Variants in RNF175 observed in about 807,000 individuals in gnomAD.
The protein encoded by RNF175 is ring finger protein 175.
A neutral mutation model predicts 50.0 loss-of-function variants in RNF175; 38 were observed. The ratio of observed to expected loss-of-function variants is 0.76; its 90% CI spans 0.59 to 1.00. RNF175 has a LOEUF of 1.00. RNF175 is among the 50% of genes least tolerant of loss of function. The probability of loss-of-function intolerance (pLI) is 0.00; values close to 1 mark genes in which losing one functional copy is unlikely to be tolerated. For missense variants in RNF175, 388 were observed against 409.6 expected (o/e 0.95, Z 0.46); for synonymous variants, 155 against 146.1 (o/e 1.06, Z -0.44).
intron 3 of RNF175, 175 bp downstream of exon 3, chr4:153,748,470 T>C (rs1740098847): frequency 1.9e-6 from 1 of 531,456 alleles, no homozygotes; most frequent in East Asian, 3.3e-5. Context: ...GTCAAAAATG[T>C]TTCCAGACAT....
chr4:153,752,419 C>T (rs970745411), intron 1 of RNF175, among the ~76,000 whole-genome samples: 1 of 152,162 alleles, frequency 6.6e-6, no homozygotes, highest in African/African-American at 2.4e-5. Context: ...GGGCAGGGAG[C>T]CATGGAGAAG....
At chr4:153,728,880 G>A (rs1306316505) in intron 3 of RNF175, among the ~76,000 whole-genome samples, 2 of 152,186 alleles carry the variant, frequency 1.3e-5, no homozygotes, top group East Asian at 3.9e-4. Flanking sequence ...TTTCAGAGAA[G>A]CCCCTGGGAT....
At chr4:153,712,853 CTTT>C (rs111263057) in intron 7 of RNF175, among the ~76,000 whole-genome samples, 1 of 142,056 alleles carries the variant, frequency 7.0e-6, no homozygotes, top group South Asian at 2.3e-4. Context: ...AATATGAGTC[CTTT>C]TTTTTTTTTT....
intron 1 of RNF175, among the ~76,000 whole-genome samples, chr4:153,754,000 C>G (rs1740431932): frequency 6.6e-6 from 1 of 151,236 alleles, no homozygotes; most frequent in African/African-American, 2.4e-5. Context: ...GAAATCCCGT[C>G]TCTACTAAAA....
chr4:153,710,896 C>A (rs758147336), intron 8 of RNF175, among the ~76,000 whole-genome samples: 1 of 152,178 alleles, frequency 6.6e-6, no homozygotes, highest in Non-Finnish European at 1.5e-5. Flanking sequence ...CAAAGAATAA[C>A]ACTGGTTCAT....
intron 1 of RNF175, among the ~76,000 whole-genome samples, chr4:153,754,042 C>T (rs1352015064): frequency 1.3e-5 from 2 of 151,608 alleles, no homozygotes; most frequent in Middle Eastern, 3.4e-3. Context: ...TGGTTGTAGG[C>T]GCCTGTAGTC....
rs1222457812 is a variant in RNF175 at position 153,720,169 on chromosome 4, G to A, written c.630+15C>T. ...TGTGTCATACATGGTTTCAGAAAAT[G>A]AAAGCAACACTTACCCCTATAGTGG... is the stretch of plus-strand genomic sequence containing the variant. On this transcript the variant is annotated intron_variant, in intron 6 of 8. Coordinates refer to ENST00000347063, the MANE Select transcript of RNF175 (RefSeq NM_173662.4). 2 of 1,612,068 alleles carry A rather than the reference G, an allele frequency of 1.2e-6. No individual in the cohort carries two copies. The highest frequency in any genetic ancestry group is 1.7e-6 in the Non-Finnish European group (2 of 1,179,020).
In RNF175 at chr4:153,710,442, C is replaced by T. The variant is rs752702677; in HGVS notation, c.914G>A (p.Arg305His). The T allele has an allele frequency of 1.3e-5, 21 of 1,600,292 alleles. No individual in the cohort carries two copies. The highest frequency in any genetic ancestry group is 5.3e-5 in the African/African-American group (4 of 74,838). The change falls in exon 9 of 9, where the codon CGT (arginine) becomes CAT (histidine). Residue 305 changes from arginine (R) to histidine (H), a missense_variant. Transcript: ENST00000347063. ...CACAGGTTGCCAGGCCACCAAATAA[C>T]GAAGCCAATCCAGGATTTGTCCATA... The part of the protein sequence containing the change: ...FLYGQILDWL[R>H]YLVAWQPVVI...
intron 3 of RNF175, chr4:153,729,830 G>A (rs1348372545): frequency 8.1e-6 from 8 of 984,234 alleles, no homozygotes; most frequent in Non-Finnish European, 9.7e-6. Flanking sequence ...TGAGGAGTTC[G>A]GGAACAAATC....
At chr4:153,755,787 AC>A (rs1444261806) in intron 1 of RNF175, among the ~76,000 whole-genome samples, 6 of 152,168 alleles carry the variant, frequency 3.9e-5, no homozygotes, top group Non-Finnish European at 8.8e-5. Flanking sequence ...TGAAATGCTC[AC>A]CAAGTACCCA....
rs569450736 is a variant in RNF175, at chr4:153,719,639, A to T, written c.630+545T>A. ...AAAAGAAAAACAACTGTTAGGGATT[A>T]AAAAAATTCTAGGTAACAGTATAGA... On this transcript the variant is annotated intron_variant, in intron 6 of 8. Coordinates refer to ENST00000347063, the MANE Select transcript of RNF175 (RefSeq NM_173662.4). 5.9e-5 allele frequency among the ~76,000 whole-genome samples: 9 copies of T among 152,314 alleles called. No individual in the cohort carries two copies. The East Asian group carries it at 1.7e-3, about 29-fold the overall frequency.
Position 153,718,222 on chromosome 4 carries a change from G to GTTTTTTTTTTTTTTTTTTTTTTTTT in RNF175, c.630+1961_630+1962insAAAAAAAAAAAAAAAAAAAAAAAAA, listed in dbSNP as rs1460898288. ...CTTTCCTAAGGAGTTTTTTTTGTTT[G>GTTTTTTTTTTTTTTTTTTTTTTTTT]TTTGTTTGTTTGTTTGTTTTTTTTT... On this transcript the variant is annotated intron_variant, in intron 6 of 8. Coordinates refer to ENST00000347063, the MANE Select transcript of RNF175 (RefSeq NM_173662.4). 6.5e-3 allele frequency among the ~76,000 whole-genome samples: 245 copies of GTTTTTTTTTTTTTTTTTTTTTTTTT among 37,524 alleles called. 61 individuals carry two copies. Among genetic ancestry groups the GTTTTTTTTTTTTTTTTTTTTTTTTT allele is most frequent in the Non-Finnish European group, 0.013 (181 of 14,136 alleles). 24.6% of individuals were successfully genotyped at this position (37,524 alleles called of 152,430 possible).
Position 153,759,824 on chromosome 4 carries a change from C to A in RNF175, c.39G>T (p.Val13=). The A allele has an allele frequency of 6.8e-7, 1 of 1,472,328 alleles. No homozygotes were observed. Among genetic ancestry groups the A allele is most frequent in the Non-Finnish European group, 8.9e-7 (1 of 1,119,772 alleles). 91.2% of individuals were successfully genotyped at this position (1,472,328 alleles called of 1,614,324 possible). A position where few individuals can be genotyped will look rare whatever the true frequency, so the allele number is the denominator to read the frequency against. ...AGTAARKAAP[V]LEAPPQQEQL... is the part of the protein sequence containing the mutation. ...GCTCCTGCTGCGGGGGGGCCTCCAG[C>A]ACCGGCGCTGCCTTCCGCGCCGCCG... The change falls in exon 1 of 9, where the codon GTG becomes GTT. Residue 13 remains valine, a synonymous_variant. Transcript: ENST00000347063.
At chr4:153,747,389 ATTTC>A (rs1740032232) in intron 3 of RNF175, among the ~76,000 whole-genome samples, 1 of 152,166 alleles carries the variant, frequency 6.6e-6, no homozygotes, top group African/African-American at 2.4e-5. Flanking sequence ...TTGCTTAGAA[ATTTC>A]TTTCACCAGA....
At chr4:153,735,584 A>T (rs1739312439) in intron 3 of RNF175, among the ~76,000 whole-genome samples, 2 of 152,148 alleles carry the variant, frequency 1.3e-5, no homozygotes, top group Admixed American at 1.3e-4. Flanking sequence ...TTTAGTTGAG[A>T]TTGTGTTTAA....
chr4:153,739,443 G>T (rs1300556707), intron 3 of RNF175, among the ~76,000 whole-genome samples: 1 of 152,012 alleles, frequency 6.6e-6, no homozygotes, highest in Non-Finnish European at 1.5e-5. Context: ...AAGAAAGAAA[G>T]AAAAAGTTTT....
intron 7 of RNF175, chr4:153,715,185 C>T (rs575176728): frequency 1.4e-5 from 5 of 369,036 alleles, no homozygotes; most frequent in South Asian, 8.7e-5. Context: ...CTTTTTCTCA[C>T]CTCCAAACCC....
At chr4:153,738,452 T>C (rs1177947927) in intron 3 of RNF175, among the ~76,000 whole-genome samples, 1 of 152,122 alleles carries the variant, frequency 6.6e-6, no homozygotes, top group Non-Finnish European at 1.5e-5. Flanking sequence ...CTCAAAGTGC[T>C]GGAATTACAG....
intron 7 of RNF175, chr4:153,715,318 G>A: frequency 1.6e-6 from 1 of 622,204 alleles, no homozygotes. Flanking sequence ...CTTTAGAAAG[G>A]AAATTACTGG....
Sources: gnomAD v4.1 joint callset for allele counts (sites outside exome capture counted in the v4.1 genomes callset) on GRCh38, gnomAD v4.1.1 for gene constraint, MANE v1.5 for transcripts, NCBI Gene and HGNC (gene_info 2026-07-23, HGNC 2026-07-21) for gene names.